The following CLPB variants were observed in gnomAD, a reference collection of about 807,000 sequenced individuals.
CLPB encodes the protein mitochondrial disaggregase.
CLPB carries 40 observed loss-of-function variants against 78.4 expected under a neutral mutation model. That is an observed-to-expected ratio of 0.51 (90% CI 0.40 to 0.66). CLPB has a LOEUF of 0.66. Ranked by LOEUF, CLPB falls within the 30% of genes least tolerant of loss-of-function variation. The pLI, the probability that CLPB is intolerant of heterozygous loss-of-function variation, is 0.00. For missense variants in CLPB, 780 were observed against 886.9 expected (o/e 0.88, Z 1.53); for synonymous variants, 333 against 348.0 (o/e 0.96, Z 0.48).
chr11:72,366,060 G>A (rs541437863), intron 4 of CLPB, among the ~76,000 whole-genome samples: 2 of 152,204 alleles, frequency 1.3e-5, no homozygotes, highest in South Asian at 4.2e-4. Context: ...TGACAAATGG[G>A]GCCTAATTAA....
chr11:72,344,176 C>T (rs1473497066), intron 5 of CLPB, among the ~76,000 whole-genome samples: 2 of 152,102 alleles, frequency 1.3e-5, no homozygotes, highest in African/African-American at 2.4e-5. Context: ...TACTGCTGAC[C>T]AATCTTGCCT....
intron 3 of CLPB, among the ~76,000 whole-genome samples, chr11:72,381,206 C>T (rs543702618): frequency 6.6e-6 from 1 of 152,148 alleles, no homozygotes; most frequent in African/African-American, 2.4e-5. Context: ...CCAGGCGGTA[C>T]ACATGGAGAG....
intron 6 of CLPB, among the ~76,000 whole-genome samples, chr11:72,318,686 T>C (rs2135530653): frequency 6.6e-6 from 1 of 152,260 alleles, no homozygotes; most frequent in East Asian, 1.9e-4. Context: ...AAAAAATAAA[T>C]AGCAAACAAT....
At chr11:72,324,135 G>A (rs765388991) in intron 6 of CLPB, among the ~76,000 whole-genome samples, 3 of 152,048 alleles carry the variant, frequency 2.0e-5, no homozygotes, top group Non-Finnish European at 4.4e-5. Context: ...AGTCTGGAAG[G>A]GAGTCTGAGG....
chr11:72,321,581 G>A lies in CLPB; in HGVS notation c.874-4361C>T, dbSNP rs186871846. On this transcript the variant is annotated intron_variant, in intron 6 of 15. Coordinates refer to ENST00000538039, the MANE Select transcript of CLPB (RefSeq NM_001258392.3). ...GGGTGGCTGGGCTGAGTGGCTCTGC[G>A]GGGGAGGGTTACAGAAGGGATATGG... 6.6e-5 allele frequency among the ~76,000 whole-genome samples: 10 copies of A among 152,304 alleles called. No individual in the cohort carries two copies. The East Asian group carries it at 1.5e-3, about 23-fold the overall frequency.
intron 4 of CLPB, 175 bp from the exon 5 acceptor site, chr11:72,359,183 G>T: frequency 1.2e-6 from 1 of 841,600 alleles, no homozygotes; most frequent in Non-Finnish European, 2.0e-6. Flanking sequence ...CAAAACAGAG[G>T]CCAGTTAGTT....
chr11:72,362,709 A>G (rs1301211248), intron 4 of CLPB, among the ~76,000 whole-genome samples: 1 of 152,204 alleles, frequency 6.6e-6, no homozygotes, highest in Non-Finnish European at 1.5e-5. Flanking sequence ...CACTATGAAT[A>G]AAGGGGCTGG....
intron 5 of CLPB, among the ~76,000 whole-genome samples, chr11:72,355,529 C>T (rs1950696607): frequency 6.6e-6 from 1 of 152,230 alleles, no homozygotes; most frequent in Non-Finnish European, 1.5e-5. Flanking sequence ...CACCAATCCT[C>T]ATGCTATCCT....
intron 3 of CLPB, among the ~76,000 whole-genome samples, chr11:72,385,982 CAT>C (rs777584385): frequency 9.8e-4 from 149 of 152,150 alleles, no homozygotes; most frequent in Non-Finnish European, 1.7e-3. Flanking sequence ...TGGATAAATT[CAT>C]ATGAGATAAA....
chr11:72,433,121 C>G (rs551452981), intron 1 of CLPB, among the ~76,000 whole-genome samples: 1 of 152,298 alleles, frequency 6.6e-6, no homozygotes, highest in South Asian at 2.1e-4. Context: ...CTCCTGCCAA[C>G]TATCCCACAT....
chr11:72,337,724 CT>C (rs1950346852), intron 5 of CLPB, among the ~76,000 whole-genome samples: 1 of 152,166 alleles, frequency 6.6e-6, no homozygotes, highest in Admixed American at 6.5e-5. Flanking sequence ...CTACAAAATG[CT>C]ACCTTCCAAA....
In CLPB at chr11:72,290,977, C is replaced by A. The variant is rs1207529446; in HGVS notation, c.*2390G>T. 2 of 150,872 alleles carry A rather than the reference C, an allele frequency of 1.3e-5. No homozygotes were observed. The highest frequency in any genetic ancestry group is 6.6e-5 in the Admixed American group (1 of 15,166). The allele number at this position is 150,872 out of a possible 1,614,324, so 9.3% of individuals were successfully genotyped here. A position where few individuals can be genotyped will look rare whatever the true frequency, so the allele number is the denominator to read the frequency against. ...AAAAAAAAACCAAAACAAAAAGTTA[C>A]CACCACCCTCCGCTAGGAGGCACTA... On this transcript the variant is annotated 3_prime_UTR_variant, in exon 16 of 16. Coordinates refer to ENST00000538039, the MANE Select transcript of CLPB (RefSeq NM_001258392.3).
rs1949429165 is a variant in CLPB, at chr11:72,289,687, C to T, written c.*3680G>A. 6.6e-6 allele frequency: 1 copy of T among 152,198 alleles called. No homozygotes were observed. The highest frequency in any genetic ancestry group is 1.5e-5 in the Non-Finnish European group (1 of 68,032). The allele number at this position is 152,198 out of a possible 1,614,324, so 9.4% of individuals were successfully genotyped here. A position where few individuals can be genotyped will look rare whatever the true frequency, so the allele number is the denominator to read the frequency against. ...CTGAACTCAAGCGATCCTCCTGCCT[C>T]AGCCTCCTACGTAGCTAGGATTACA... is the stretch of plus-strand genomic sequence containing the variant. On this transcript the variant is annotated 3_prime_UTR_variant, in exon 16 of 16. Transcript: ENST00000538039.
intron 11 of CLPB, among the ~76,000 whole-genome samples, chr11:72,300,949 G>T (rs997634972): frequency 5.3e-5 from 8 of 152,210 alleles, no homozygotes; most frequent in Non-Finnish European, 1.0e-4. Context: ...GGTATGGGGG[G>T]AGAATTGGGG....
In CLPB at chr11:72,287,179, A is replaced by T. The variant is rs1243677178; in HGVS notation, c.*6188T>A. ...CTTTATCAGGTTTGAGTACAATAAT[A>T]GTTAAAACTCATCTATTTTGGGGGT... On this transcript the variant is annotated 3_prime_UTR_variant, in exon 16 of 16. Transcript: ENST00000538039. 2.6e-5 allele frequency: 4 copies of T among 152,212 alleles called. No individual in the cohort carries two copies. The highest frequency in any genetic ancestry group is 6.5e-5 in the Admixed American group (1 of 15,284). 9.4% of individuals were successfully genotyped at this position (152,212 alleles called of 1,614,324 possible).
intron 4 of CLPB, among the ~76,000 whole-genome samples, chr11:72,375,078 T>G (rs1429557438): frequency 1.3e-5 from 2 of 152,344 alleles, no homozygotes; most frequent in Admixed American, 1.3e-4. Flanking sequence ...TCTGCTAATA[T>G]CTATTTACTC....
intron 3 of CLPB, among the ~76,000 whole-genome samples, chr11:72,391,496 C>A (rs914172907): frequency 6.6e-6 from 1 of 152,222 alleles, no homozygotes; most frequent in Non-Finnish European, 1.5e-5. Context: ...CAGCTCCCTG[C>A]CCAGTGCCTG....
chr11:72,422,265 CAAAAAAAAAAAAA>C (rs71469431), intron 2 of CLPB, among the ~76,000 whole-genome samples: 3 of 24,976 alleles, frequency 1.2e-4, no homozygotes, highest in Admixed American at 4.2e-4. Context: ...GACTCCGTCT[CAAAAAAAAAAAAA>C]AAAAAAAAAA....
chr11:72,349,224 G>A (rs1950569280), intron 5 of CLPB, among the ~76,000 whole-genome samples: 1 of 152,234 alleles, frequency 6.6e-6, no homozygotes. Context: ...TTGCTTGACA[G>A]CAAGGCAGAG....
Sources: allele counts gnomAD v4.1 joint callset (sites outside exome capture counted in the v4.1 genomes callset), GRCh38; gene constraint gnomAD v4.1.1; transcripts MANE v1.5; gene names NCBI Gene and HGNC (gene_info 2026-07-23, HGNC 2026-07-21).